MTAP: variants seen among roughly 807,000 people sequenced by gnomAD.
The protein encoded by MTAP is methylthioadenosine phosphorylase.
Under a neutral mutation model 33.6 loss-of-function variants are expected in MTAP, and 33 were observed. The observed-to-expected ratio is 0.98, with a 90% CI of 0.74 to 1.31. MTAP has a LOEUF of 1.31. Among genes scored for constraint, MTAP ranks in the 40% most tolerant of loss-of-function variants. The pLI is 0.00. For missense variants in MTAP, 367 were observed against 360.0 expected (o/e 1.02, Z -0.16); for synonymous variants, 148 against 125.7 (o/e 1.18, Z -1.19).
Position 21,844,838 on chromosome 9 carries a change from T to C in MTAP, c.450+6828T>C, listed in dbSNP as rs889304922. 7.9e-5 allele frequency among the ~76,000 whole-genome samples: 12 copies of C among 152,182 alleles called. No homozygotes were observed. In the South Asian group the frequency reaches 8.3e-4, roughly 11 times the overall value. On this transcript the variant is annotated intron_variant, in intron 5 of 7. Transcript: ENST00000644715. ...TCACAAGGTCAGATCGAGACCATCC[T>C]GGCTAACACGGTGAAACCCCATCTC...
intron 4 of MTAP, among the ~76,000 whole-genome samples, chr9:21,829,583 C>A (rs1824916344): frequency 6.6e-6 from 1 of 151,818 alleles, no homozygotes; most frequent in South Asian, 2.1e-4. Context: ...TACCTAGAAC[C>A]ACACACATTG....
intron 1 of MTAP, among the ~76,000 whole-genome samples, chr9:21,876,182 T>TAAA (rs1223862948): frequency 6.6e-6 from 1 of 152,188 alleles, no homozygotes; most frequent in African/African-American, 2.4e-5. Flanking sequence ...TTTAGAAAAG[T>TAAA]GCCTGTTCAT....
intron 5 of MTAP, among the ~76,000 whole-genome samples, chr9:21,843,362 A>G (rs930897145): frequency 6.6e-6 from 1 of 152,214 alleles, no homozygotes; most frequent in Non-Finnish European, 1.5e-5. Context: ...TCCTCAAGAC[A>G]GAAAGTCAAC....
At chr9:21,902,695 A>G (rs1282543929) in intron 1 of MTAP, among the ~76,000 whole-genome samples, 1 of 152,206 alleles carries the variant, frequency 6.6e-6, no homozygotes, top group Non-Finnish European at 1.5e-5. Context: ...AGGGTTTTTA[A>G]TACATCCATA....
chr9:21,889,371 T>C (rs933975830), intron 1 of MTAP, among the ~76,000 whole-genome samples: 13 of 152,154 alleles, frequency 8.5e-5, no homozygotes, highest in African/African-American at 3.1e-4. Context: ...ATCAATCTTC[T>C]GATTTGTTTT....
downstream of MTAP, among the ~76,000 whole-genome samples, chr9:21,868,713 G>C (rs775397353): frequency 1.3e-5 from 2 of 152,130 alleles, no homozygotes; most frequent in Non-Finnish European, 1.5e-5. Flanking sequence ...CCTCTTCACA[G>C]ACAGAACTGA....
chr9:21,803,304 T>A (rs1824114209), intron 1 of MTAP: 2 of 206,212 alleles, frequency 9.7e-6, no homozygotes, highest in Non-Finnish European at 1.9e-5. Flanking sequence ...TTACTTGCTC[T>A]TTTGTATGCT....
Position 21,818,317 on chromosome 9 carries a change from C to CTTTTTTTTTTTTTTTTTTTTTT in MTAP, c.347+121_347+142dup, listed in dbSNP as rs35709813. 23 of 206,102 alleles carry CTTTTTTTTTTTTTTTTTTTTTT rather than the reference C, an allele frequency of 1.1e-4. 10 individuals are homozygous for CTTTTTTTTTTTTTTTTTTTTTT. Among genetic ancestry groups the CTTTTTTTTTTTTTTTTTTTTTT allele is most frequent in the African/African-American group, 3.4e-4 (8 of 23,498 alleles). The allele number at this position is 206,102 out of a possible 1,614,324, so 12.8% of individuals were successfully genotyped here. A position where few individuals can be genotyped will look rare whatever the true frequency, so the allele number is the denominator to read the frequency against. On this transcript the variant is annotated intron_variant, in intron 4 of 7. Transcript: ENST00000644715. Reference sequence around the variant, plus strand: ...GAGGGCAGTGCCACAGACTCGCTTGCTTTTTTTTTTTTTTTTTTTTTTTTT... The same window carrying CTTTTTTTTTTTTTTTTTTTTTT: ...GAGGGCAGTGCCACAGACTCGCTTGCTTTTTTTTTTTTTTTTTTTTTTTTTTTTTTTTTTTTTTTTTTTTTTT...
At chr9:21,898,897 G>T (rs573010699) in intron 1 of MTAP, among the ~76,000 whole-genome samples, 4 of 152,160 alleles carry the variant, frequency 2.6e-5, no homozygotes, top group East Asian at 1.9e-4. Flanking sequence ...ATACCCAAAG[G>T]ATTATAAATC....
intron 7 of MTAP, chr9:21,861,597 C>A: frequency 5.2e-6 from 1 of 192,300 alleles, no homozygotes; most frequent in Admixed American, 5.6e-5. Context: ...GATGATGATC[C>A]TATGGTGTTT....
chr9:21,804,291 C>T (rs1824147797), intron 1 of MTAP, among the ~76,000 whole-genome samples: 1 of 152,200 alleles, frequency 6.6e-6, no homozygotes, highest in African/African-American at 2.4e-5. Flanking sequence ...CAACTTTTCA[C>T]CTTATCCTTG....
At chr9:21,857,487 T>C (rs1231875404) in intron 6 of MTAP, among the ~76,000 whole-genome samples, 1 of 152,224 alleles carries the variant, frequency 6.6e-6, no homozygotes, top group Non-Finnish European at 1.5e-5. Context: ...CTTGTGTCCC[T>C]GAATGCTGGA....
At chr9:21,812,605 T>C (rs1032904784) in intron 1 of MTAP, among the ~76,000 whole-genome samples, 1 of 152,218 alleles carries the variant, frequency 6.6e-6, no homozygotes, top group African/African-American at 2.4e-5. Flanking sequence ...GGTCTTGTCA[T>C]TGTTTCCTGA....
intron 4 of MTAP, among the ~76,000 whole-genome samples, chr9:21,826,853 C>T (rs906725279): frequency 2.0e-5 from 3 of 151,930 alleles, no homozygotes; most frequent in Middle Eastern, 3.2e-3. Context: ...GGGGCGAGAG[C>T]GAGCATTACC....
intron 1 of MTAP, among the ~76,000 whole-genome samples, chr9:21,883,364 T>G (rs1271026612): frequency 6.6e-6 from 1 of 151,988 alleles, no homozygotes; most frequent in East Asian, 1.9e-4. Flanking sequence ...AACAAAAAAT[T>G]AAGTATGACA....
chr9:21,806,467 G>C (rs916043217), intron 1 of MTAP, among the ~76,000 whole-genome samples: 3 of 152,138 alleles, frequency 2.0e-5, no homozygotes, highest in African/African-American at 7.2e-5. Context: ...AGATACTGCT[G>C]GTTAGGGGGC....
intron 1 of MTAP, among the ~76,000 whole-genome samples, chr9:21,925,232 A>G (rs1043901669): frequency 1.3e-5 from 2 of 152,136 alleles, no homozygotes; most frequent in Non-Finnish European, 2.9e-5. Flanking sequence ...AAACCCCACC[A>G]CTTTCCTAGA....
At chr9:21,803,891 G>T (rs913316752) in intron 1 of MTAP, among the ~76,000 whole-genome samples, 2 of 152,186 alleles carry the variant, frequency 1.3e-5, no homozygotes, top group African/African-American at 4.8e-5. Flanking sequence ...CGCCCTTGCA[G>T]GTTTAAATGA....
Position 21,865,578 on chromosome 9 carries a change from G to A in MTAP, c.*3564G>A. 1 of 985,856 alleles carries A rather than the reference G, an allele frequency of 1.0e-6. No individual in the cohort carries two copies. The highest frequency in any genetic ancestry group is 1.2e-6 in the Non-Finnish European group (1 of 829,992). The allele number at this position is 985,856 out of a possible 1,614,324, so 61.1% of individuals were successfully genotyped here. On this transcript the variant is annotated 3_prime_UTR_variant, in exon 8 of 8. Coordinates refer to ENST00000644715, the MANE Select transcript of MTAP (RefSeq NM_002451.4). Reference sequence around the variant, plus strand: ...AAGAACCTGTGTTCTCCTCATAATAGTATAGAATAATTCAAGATAGGCAAG... The same window carrying A: ...AAGAACCTGTGTTCTCCTCATAATAATATAGAATAATTCAAGATAGGCAAG...
Sources: gnomAD v4.1 joint callset for allele counts (sites outside exome capture counted in the v4.1 genomes callset) on GRCh38, gnomAD v4.1.1 for gene constraint, MANE v1.5 for transcripts, NCBI Gene and HGNC (gene_info 2026-07-23, HGNC 2026-07-21) for gene names.